HNRNPUL2: variants seen among roughly 807,000 people sequenced by gnomAD.
HNRNPUL2 encodes heterogeneous nuclear ribonucleoprotein U like 2.
Under a neutral mutation model 102.2 loss-of-function variants are expected in HNRNPUL2, and 27 were observed. That is an observed-to-expected ratio of 0.26 (90% CI 0.19 to 0.36). HNRNPUL2 has a LOEUF of 0.36. Ranked by LOEUF, HNRNPUL2 falls within the 10% of genes least tolerant of loss-of-function variation. HNRNPUL2 has a pLI of 1.00. For missense variants in HNRNPUL2, 936 were observed against 981.1 expected (o/e 0.95, Z 0.61); for synonymous variants, 458 against 387.2 (o/e 1.18, Z -2.15).
At chr11:62,722,789 A>G in intron 5 of HNRNPUL2, 24 bp downstream of exon 5, 1 of 1,611,410 alleles carries the variant, frequency 6.2e-7, no homozygotes, top group Non-Finnish European at 8.5e-7. Flanking sequence ...AACACTAATG[A>G]GGAACTTAAA....
chr11:62,721,453 A>T (rs951667544), intron 8 of HNRNPUL2, 30 bp from the exon 9 acceptor site: 1 of 1,552,778 alleles, frequency 6.4e-7, no homozygotes, highest in Non-Finnish European at 8.7e-7. Flanking sequence ...GTGAAAAAAA[A>T]AAACAAAACA....
rs993363141 is a variant in HNRNPUL2 at position 62,713,118 on chromosome 11, T to C, written c.*2181A>G. 2 of 152,084 alleles carry C rather than the reference T, an allele frequency of 1.3e-5. No individual in the cohort carries two copies. Among genetic ancestry groups the C allele is most frequent in the East Asian group, 1.9e-4 (1 of 5,196 alleles). 9.4% of individuals were successfully genotyped at this position (152,084 alleles called of 1,614,324 possible). ...TTTTGTAAAAAAGATTACTTTCTAG[T>C]GTCAAATATCAACAGCGAGTACCTC... On this transcript the variant is annotated 3_prime_UTR_variant, in exon 14 of 14. Transcript: ENST00000301785.
At chr11:62,722,936 T>C (rs759777055) in intron 4 of HNRNPUL2, 33 bp from the exon 5 acceptor site, 13 of 1,541,234 alleles carry the variant, frequency 8.4e-6, no homozygotes, top group Non-Finnish European at 1.2e-5. Context: ...TATTAGATAT[T>C]GTGACCAACT....
chr11:62,713,167 C>T lies in HNRNPUL2; in HGVS notation c.*2132G>A, dbSNP rs926211594. On this transcript the variant is annotated 3_prime_UTR_variant, in exon 14 of 14. Transcript: ENST00000301785. ...TCCCCTAACCCCTGCTGGAAAAAAACTCAACTTGATTTAGTTTAGTCCCCT... is the reference window on the plus strand; with the variant it reads ...TCCCCTAACCCCTGCTGGAAAAAAATTCAACTTGATTTAGTTTAGTCCCCT... 6.6e-6 allele frequency: 1 copy of T among 152,162 alleles called. No individual in the cohort carries two copies. Among genetic ancestry groups the T allele is most frequent in the Non-Finnish European group, 1.5e-5 (1 of 68,024 alleles). The allele number at this position is 152,162 out of a possible 1,614,324, so 9.4% of individuals were successfully genotyped here.
In HNRNPUL2 at chr11:62,714,144, C is replaced by G. The variant is rs879151241; in HGVS notation, c.*1155G>C. 3 of 148,516 alleles carry G rather than the reference C, an allele frequency of 2.0e-5. No individual in the cohort carries two copies. The highest frequency in any genetic ancestry group is 3.0e-5 in the Non-Finnish European group (2 of 66,902). The allele number at this position is 148,516 out of a possible 1,614,324, so 9.2% of individuals were successfully genotyped here. A position where few individuals can be genotyped will look rare whatever the true frequency, so the allele number is the denominator to read the frequency against. ...CCCACTGAGCTGCCTCCCACCCCCC[C>G]CCACCACCCTCCCCTCTTCTATTCA... On this transcript the variant is annotated 3_prime_UTR_variant, in exon 14 of 14. Transcript: ENST00000301785.
chr11:62,726,168 G>A (rs968346101), intron 1 of HNRNPUL2, among the ~76,000 whole-genome samples: 2 of 152,164 alleles, frequency 1.3e-5, no homozygotes, highest in Non-Finnish European at 2.9e-5. Flanking sequence ...GCTTTTAATG[G>A]AACGGACTTT....
At chr11:62,723,526 C>CT (rs775096256) in intron 4 of HNRNPUL2, 61 bp downstream of exon 4, 90 of 1,484,092 alleles carry the variant, frequency 6.1e-5, no homozygotes, top group Non-Finnish European at 7.9e-5. Flanking sequence ...TTTTCCCCCT[C>CT]TAAGAACCGT....
chr11:62,726,938 C>T lies in HNRNPUL2; in HGVS notation c.219G>A (p.Gly73=). Residue 73 remains glycine (G), a synonymous_variant, in exon 1 of 14, where the codon GGG becomes GGA. Coordinates refer to ENST00000301785, the MANE Select transcript of HNRNPUL2 (RefSeq NM_001079559.3). ...PVAASGGGPG[G]DEEEDEEEEE... ...CCTCCTCTTCGTCCTCCTCCTCGTC[C>T]CCGCCCGGGCCGCCGCCCGACGCGG... 1 of 1,483,242 alleles carries T rather than the reference C, an allele frequency of 6.7e-7. No individual in the cohort carries two copies. The allele number at this position is 1,483,242 out of a possible 1,614,324, so 91.9% of individuals were successfully genotyped here. A position where few individuals can be genotyped will look rare whatever the true frequency, so the allele number is the denominator to read the frequency against.
Position 62,727,228 on chromosome 11 carries a change from G to GCGC in HNRNPUL2, c.-75_-73dup, listed in dbSNP as rs199865096. The GCGC allele has an allele frequency of 0.015, 20,032 of 1,297,882 alleles. 148 individuals are homozygous for GCGC. The highest frequency in any genetic ancestry group is 0.017 in the Non-Finnish European group (17,832 of 1,025,464). The allele number at this position is 1,297,882 out of a possible 1,614,324, so 80.4% of individuals were successfully genotyped here. A position where few individuals can be genotyped will look rare whatever the true frequency, so the allele number is the denominator to read the frequency against. ...CCGTCGACCGAGTCCGACCGCGCAG[G>GCGC]CGCCGCCGCCGCCGCCCGCCTCCGC... On this transcript the variant is annotated 5_prime_UTR_variant, in exon 1 of 14. Transcript: ENST00000301785.
At position 62,714,010 on chromosome 11, in the gene HNRNPUL2, G is replaced by C. The variant is rs1211432363; in HGVS notation, c.*1289C>G. On this transcript the variant is annotated 3_prime_UTR_variant, in exon 14 of 14. Coordinates refer to ENST00000301785, the MANE Select transcript of HNRNPUL2 (RefSeq NM_001079559.3). ...TAGAGGCCTCTCTGGGGACACACAGGGAAAGCGCCCCAAAAGGAATTTTGT... is the reference window on the plus strand; with the variant it reads ...TAGAGGCCTCTCTGGGGACACACAGCGAAAGCGCCCCAAAAGGAATTTTGT... 6.6e-6 allele frequency: 1 copy of C among 152,208 alleles called. No individual in the cohort carries two copies. The highest frequency in any genetic ancestry group is 1.5e-5 in the Non-Finnish European group (1 of 68,056). 9.4% of individuals were successfully genotyped at this position (152,208 alleles called of 1,614,324 possible). A position where few individuals can be genotyped will look rare whatever the true frequency, so the allele number is the denominator to read the frequency against.
At chr11:62,716,070 A>G (rs759978479) in intron 11 of HNRNPUL2, 133 bp from the exon 12 acceptor site, 1 of 600,516 alleles carries the variant, frequency 1.7e-6, no homozygotes, top group Non-Finnish European at 2.8e-6. Context: ...AGGCTCACAC[A>G]TGTTAATTAA....
chr11:62,718,099 C>A (rs2083673637), intron 10 of HNRNPUL2, among the ~76,000 whole-genome samples: 1 of 151,940 alleles, frequency 6.6e-6, no homozygotes, highest in Admixed American at 6.6e-5. Context: ...GGATCTGGCT[C>A]ATAGATATGC....
chr11:62,722,997 C>T (rs565807422), intron 4 of HNRNPUL2, 94 bp from the exon 5 acceptor site: 24 of 834,998 alleles, frequency 2.9e-5, no homozygotes, highest in Admixed American at 2.4e-4. Context: ...AAACTGAAAA[C>T]GACATTTACC....
intron 10 of HNRNPUL2, among the ~76,000 whole-genome samples, chr11:62,717,510 G>A (rs1366170342): frequency 2.0e-5 from 3 of 152,192 alleles, no homozygotes; most frequent in Admixed American, 1.3e-4. Context: ...AAGTAACTGA[G>A]AAAGTTCTGG....
chr11:62,721,454 A>C (rs2083702328), intron 8 of HNRNPUL2, 31 bp from the exon 9 acceptor site: 1 of 1,552,916 alleles, frequency 6.4e-7, no homozygotes. Flanking sequence ...TGAAAAAAAA[A>C]AACAAAACAC....
At chr11:62,722,990 C>G in intron 4 of HNRNPUL2, 87 bp from the exon 5 acceptor site, 1 of 920,614 alleles carries the variant, frequency 1.1e-6, no homozygotes. Flanking sequence ...TTTATACAAA[C>G]TGAAAACGAC....
Position 62,713,124 on chromosome 11 carries a change from A to G in HNRNPUL2, c.*2175T>C, listed in dbSNP as rs1174821372. On this transcript the variant is annotated 3_prime_UTR_variant, in exon 14 of 14. Coordinates refer to ENST00000301785, the MANE Select transcript of HNRNPUL2 (RefSeq NM_001079559.3). ...AAAAAAGATTACTTTCTAGTGTCAAATATCAACAGCGAGTACCTCCCCTAA... is the reference window on the plus strand; with the variant it reads ...AAAAAAGATTACTTTCTAGTGTCAAGTATCAACAGCGAGTACCTCCCCTAA... The G allele has an allele frequency of 1.3e-5, 2 of 152,194 alleles. No individual in the cohort carries two copies. The highest frequency in any genetic ancestry group is 4.8e-5 in the African/African-American group (2 of 41,452). The allele number at this position is 152,194 out of a possible 1,614,324, so 9.4% of individuals were successfully genotyped here. A position where few individuals can be genotyped will look rare whatever the true frequency, so the allele number is the denominator to read the frequency against.
chr11:62,717,160 A>G lies in HNRNPUL2; in HGVS notation c.1810T>C (p.Tyr604His), dbSNP rs1040964450. 1.2e-6 allele frequency: 2 copies of G among 1,614,020 alleles called. No individual in the cohort carries two copies. The highest frequency in any genetic ancestry group is 8.5e-7 in the Non-Finnish European group (1 of 1,180,000). Residue 604 changes from tyrosine (Y) to histidine (H), a missense_variant, in exon 11 of 14, where the codon TAT becomes CAT. Coordinates refer to ENST00000301785, the MANE Select transcript of HNRNPUL2 (RefSeq NM_001079559.3). ...TCCCCATATGTCACCTCATCCATAT[A>G]GTCGCATTTTTCAGGCAAAGAGAAG... is the stretch of plus-strand genomic sequence containing the variant. ...ANFSLPEKCD[Y>H]MDEVTYGELE... is the part of the protein sequence containing the mutation.
In HNRNPUL2 at chr11:62,713,505, G is replaced by A. The variant is rs975702493; in HGVS notation, c.*1794C>T. ...GACACCGCAGGGAAGCAGGTGCCAA[G>A]AGAAAGGACATGACTATGAGTAAGC... On this transcript the variant is annotated 3_prime_UTR_variant, in exon 14 of 14. Transcript: ENST00000301785. 6.6e-6 allele frequency: 1 copy of A among 152,226 alleles called. No individual in the cohort carries two copies. The highest frequency in any genetic ancestry group is 2.4e-5 in the African/African-American group (1 of 41,458). 9.4% of individuals were successfully genotyped at this position (152,226 alleles called of 1,614,324 possible). A position where few individuals can be genotyped will look rare whatever the true frequency, so the allele number is the denominator to read the frequency against.
Sources: gnomAD v4.1 joint callset for allele counts (sites outside exome capture counted in the v4.1 genomes callset) on GRCh38, gnomAD v4.1.1 for gene constraint, MANE v1.5 for transcripts, NCBI Gene and HGNC (gene_info 2026-07-23, HGNC 2026-07-21) for gene names.